RAD51B: variants seen among roughly 807,000 people sequenced by gnomAD.
RAD51B encodes the protein DNA repair protein RAD51 homolog 2.
RAD51B carries 38 observed loss-of-function variants against 42.2 expected under a neutral mutation model. The ratio of observed to expected loss-of-function variants is 0.90; its 90% CI spans 0.70 to 1.18. The LOEUF (loss-of-function observed/expected upper bound fraction) is 1.18. Ranked by LOEUF, RAD51B falls within the 50% of genes most tolerant of loss-of-function variation. RAD51B has a pLI of 0.00. For synonymous variants in RAD51B, 154 were observed against 145.2 expected, an observed-to-expected ratio of 1.06 and a Z score of -0.43; for missense variants, 373 against 400.7, an observed-to-expected ratio of 0.93 and a Z score of 0.59.
chr14:68,453,635 G>C (rs2085611543), intron 9 of RAD51B, among the ~76,000 whole-genome samples: 1 of 152,116 alleles, frequency 6.6e-6, no homozygotes, highest in South Asian at 2.1e-4. Context: ...TATTAAAACA[G>C]GGGATTATGC....
At chr14:67,947,074 A>T (rs1254540332) in intron 7 of RAD51B, among the ~76,000 whole-genome samples, 10 of 152,238 alleles carry the variant, frequency 6.6e-5, no homozygotes, top group African/African-American at 2.4e-4. Flanking sequence ...ATTAGACCAT[A>T]TAGTAAATGT....
chr14:68,346,129 G>A (rs1044003397), intron 8 of RAD51B, among the ~76,000 whole-genome samples: 1 of 152,110 alleles, frequency 6.6e-6, no homozygotes, highest in African/African-American at 2.4e-5. Context: ...ATATCTTGAT[G>A]TTTTTTATAT....
rs1195628886 is a variant in RAD51B at position 68,081,255 on chromosome 14, T to A, written c.756+194051T>A. Among the ~76,000 whole-genome samples the A allele has an allele frequency of 3.3e-5, 5 of 152,212 alleles. 1 individual carries two copies. Among genetic ancestry groups the A allele is most frequent in the Non-Finnish European group, 5.9e-5 (4 of 68,032 alleles). Reference sequence around the variant, plus strand: ...AGAGAGCATAGGTTTTGGGTTGCCATAACTGATACTGAGTTGTTTTTTGTT... The same window carrying A: ...AGAGAGCATAGGTTTTGGGTTGCCAAAACTGATACTGAGTTGTTTTTTGTT... On this transcript the variant is annotated intron_variant, in intron 7 of 10. Transcript: ENST00000471583.
At chr14:68,681,153 G>T (rs1893421841) in intron 11 of RAD51B, among the ~76,000 whole-genome samples, 1 of 152,138 alleles carries the variant, frequency 6.6e-6, no homozygotes, top group Non-Finnish European at 1.5e-5. Flanking sequence ...TTTGTTCCCT[G>T]GGTGGGCCTC....
intron 7 of RAD51B, among the ~76,000 whole-genome samples, chr14:67,995,644 C>G (rs558539423): frequency 6.8e-6 from 1 of 147,812 alleles, no homozygotes; most frequent in Admixed American, 6.7e-5. Flanking sequence ...GACGGAGTCT[C>G]TCTCTGTCAC....
At chr14:68,105,911 G>C (rs549938829) in intron 7 of RAD51B, among the ~76,000 whole-genome samples, 2 of 151,990 alleles carry the variant, frequency 1.3e-5, no homozygotes, top group South Asian at 4.2e-4. Flanking sequence ...GCAACTATGG[G>C]AATGAAATAG....
rs141788767 is a variant in RAD51B, at chr14:68,530,550, G to T, written c.1036+62300G>T. On this transcript the variant is annotated intron_variant, in intron 10 of 10. Transcript: ENST00000487270. ...AGGAATGATAGCTGCATTGATAATA[G>T]ACATCTTACTAACAATAGATTCCAG... Among the ~76,000 whole-genome samples, 19 of 150,300 alleles carry T rather than the reference G, an allele frequency of 1.3e-4. No individual in the cohort carries two copies. In the East Asian group the frequency reaches 3.2e-3, roughly 25 times the overall value.
chr14:68,377,659 G>A (rs2083398266), intron 8 of RAD51B, among the ~76,000 whole-genome samples: 1 of 152,214 alleles, frequency 6.6e-6, no homozygotes, highest in African/African-American at 2.4e-5. Context: ...TCTGTCTGGA[G>A]CAGATAGTGA....
At chr14:67,823,207 A>T (rs1208140299) in intron 1 of RAD51B, among the ~76,000 whole-genome samples, 2 of 152,248 alleles carry the variant, frequency 1.3e-5, no homozygotes, top group African/African-American at 4.8e-5. Flanking sequence ...AATAAAATTT[A>T]TACATGCATT....
intron 7 of RAD51B, among the ~76,000 whole-genome samples, chr14:68,001,188 G>C (rs2075476001): frequency 6.6e-6 from 1 of 152,020 alleles, no homozygotes; most frequent in African/African-American, 2.4e-5. Context: ...AAACTGCTTT[G>C]CATGCTTATT....
At chr14:68,227,644 C>G (rs895000783) in intron 7 of RAD51B, among the ~76,000 whole-genome samples, 1 of 152,112 alleles carries the variant, frequency 6.6e-6, no homozygotes, top group Non-Finnish European at 1.5e-5. Context: ...GAGACCAAAC[C>G]CCTCCCAGGT....
intron 7 of RAD51B, among the ~76,000 whole-genome samples, chr14:68,202,091 C>G (rs2079497532): frequency 1.3e-5 from 2 of 152,128 alleles, no homozygotes; most frequent in Admixed American, 1.3e-4. Flanking sequence ...ACTGTAGACT[C>G]TTAAGTGTAC....
rs191415424 is a variant in RAD51B at position 68,568,174 on chromosome 14, C to T, written c.1037-26311C>T. Among the ~76,000 whole-genome samples the T allele has an allele frequency of 2.6e-4, 40 of 152,162 alleles. 1 individual carries two copies. Among genetic ancestry groups the T allele is most frequent in the Admixed American group, 1.7e-3 (26 of 15,288 alleles). ...TACCCTCTGAGAAACTATAGTCTTG[C>T]GACACAGAAAGGTAAGCAAACAGAT... is the stretch of plus-strand genomic sequence containing the variant. On this transcript the variant is annotated intron_variant, in intron 10 of 10. Coordinates refer to the RAD51B transcript ENST00000487270.
chr14:67,835,551 C>A (rs2041210678), intron 4 of RAD51B, among the ~76,000 whole-genome samples: 1 of 147,614 alleles, frequency 6.8e-6, no homozygotes. Flanking sequence ...ACACACGTCA[C>A]ATATATGTAA....
chr14:68,158,847 G>T (rs958415226), intron 7 of RAD51B, among the ~76,000 whole-genome samples: 1 of 152,150 alleles, frequency 6.6e-6, no homozygotes, highest in Non-Finnish European at 1.5e-5. Flanking sequence ...ACATAGAGGT[G>T]CTGGGAGAAT....
intron 10 of RAD51B, among the ~76,000 whole-genome samples, chr14:68,635,843 G>A (rs1892329743): frequency 6.6e-6 from 1 of 152,200 alleles, no homozygotes; most frequent in Non-Finnish European, 1.5e-5. Context: ...GCTAGAGAGA[G>A]ACCCTTTGAG....
chr14:68,021,002 A>G (rs1453494120), intron 7 of RAD51B, among the ~76,000 whole-genome samples: 1 of 152,172 alleles, frequency 6.6e-6, no homozygotes, highest in Non-Finnish European at 1.5e-5. Flanking sequence ...AAGTGGATTC[A>G]CAGAGAGCTT....
intron 8 of RAD51B, among the ~76,000 whole-genome samples, chr14:68,359,995 C>T (rs2082990726): frequency 6.6e-6 from 1 of 152,320 alleles, no homozygotes; most frequent in Admixed American, 6.5e-5. Context: ...CTGGGCTGGG[C>T]TCCTTAAGTC....
At chr14:68,318,208 G>C (rs907743837) in intron 8 of RAD51B, among the ~76,000 whole-genome samples, 4 of 152,236 alleles carry the variant, frequency 2.6e-5, no homozygotes, top group African/African-American at 9.6e-5. Flanking sequence ...TTGTAAGCTA[G>C]AGTGAATTCT....
Sources: gnomAD v4.1 joint callset for allele counts (sites outside exome capture counted in the v4.1 genomes callset) on GRCh38, gnomAD v4.1.1 for gene constraint, MANE v1.5 for transcripts, NCBI Gene and HGNC (gene_info 2026-07-23, HGNC 2026-07-21) for gene names.